C7orf78: variants seen among roughly 807,000 people sequenced by gnomAD.
C7orf78 encodes putative uncharacterized protein C7orf78.
the C7orf78 span, among the ~76,000 whole-genome samples, chr7:12,497,463 C>T: frequency 2.3e-4 from 18 of 79,222 alleles, no homozygotes; most frequent in Non-Finnish European, 2.8e-4. Context: ...AAAGGGGTGA[C>T]GGACGGCACC....
At chr7:12,484,415 T>G in the C7orf78 span, among the ~76,000 whole-genome samples, 2 of 152,226 alleles carry the variant, frequency 1.3e-5, no homozygotes, top group Non-Finnish European at 2.9e-5. Context: ...CCTAACATCT[T>G]GACTAGTTTT....
the C7orf78 span, among the ~76,000 whole-genome samples, chr7:12,489,467 AT>A: frequency 6.6e-6 from 1 of 152,138 alleles, no homozygotes; most frequent in Non-Finnish European, 1.5e-5. Flanking sequence ...AACTCAGTAG[AT>A]CCTTTTAAAT....
chr7:12,529,176 C>T, the C7orf78 span: 17 of 393,394 alleles, frequency 4.3e-5, no homozygotes, highest in African/African-American at 2.7e-4. Context: ...AGCATATAGC[C>T]GCTGCTTTTT....
At chr7:12,518,298 T>A in the C7orf78 span, among the ~76,000 whole-genome samples, 10 of 152,170 alleles carry the variant, frequency 6.6e-5, no homozygotes, top group Non-Finnish European at 1.3e-4. Flanking sequence ...CTGGGTGGTG[T>A]ATGCTGGCAC....
At chr7:12,505,488 T>G in the C7orf78 span, among the ~76,000 whole-genome samples, 1 of 152,132 alleles carries the variant, frequency 6.6e-6, no homozygotes, top group African/African-American at 2.4e-5. Context: ...ATACAGAGAT[T>G]TGAAAATGCT....
At chr7:12,486,397 C>G in the C7orf78 span, among the ~76,000 whole-genome samples, 2 of 151,792 alleles carry the variant, frequency 1.3e-5, no homozygotes, top group African/African-American at 4.8e-5. Flanking sequence ...TGAACATCTA[C>G]TATTAGGTTT....
the C7orf78 span, among the ~76,000 whole-genome samples, chr7:12,488,615 G>A: frequency 1.3e-5 from 2 of 151,886 alleles, no homozygotes; most frequent in Admixed American, 6.6e-5. Flanking sequence ...CAGCCCATAT[G>A]GCCAGCTGCA....
the C7orf78 span, chr7:12,483,559 T>C: frequency 6.6e-6 from 1 of 152,120 alleles, no homozygotes; most frequent in African/African-American, 2.4e-5. Context: ...TTCTAGCTGC[T>C]ACAAATCTTT....
chr7:12,492,696 A>C, the C7orf78 span, among the ~76,000 whole-genome samples: 1 of 152,234 alleles, frequency 6.6e-6, no homozygotes, highest in Non-Finnish European at 1.5e-5. Context: ...GTTCAACAAC[A>C]GGTATCTTAA....
chr7:12,483,713 CAAAAAA>C, the C7orf78 span: 1 of 136,816 alleles, frequency 7.3e-6, no homozygotes. Context: ...ACTAAAACTA[CAAAAAA>C]AAAAAAAAAT....
chr7:12,537,351 A>C, the C7orf78 span, among the ~76,000 whole-genome samples: 1 of 152,178 alleles, frequency 6.6e-6, no homozygotes, highest in African/African-American at 2.4e-5. Context: ...CAAGAACAGC[A>C]CAGGAAAAAC....
chr7:12,523,030 A>G, the C7orf78 span: 1 of 398,346 alleles, frequency 2.5e-6, no homozygotes, highest in Non-Finnish European at 4.4e-6. Context: ...GAGGCACAAG[A>G]GATAGGGATA....
At chr7:12,530,011 A>AGTGGT in the C7orf78 span, among the ~76,000 whole-genome samples, 1 of 138,418 alleles carries the variant, frequency 7.2e-6, no homozygotes, top group Non-Finnish European at 1.5e-5. Context: ...TTGCCACAGC[A>AGTGGT]ATGGTGGGGC....
chr7:12,537,002 C>T, the C7orf78 span, among the ~76,000 whole-genome samples: 3 of 152,272 alleles, frequency 2.0e-5, no homozygotes, highest in African/African-American at 7.2e-5. Context: ...TTCCTCTCTT[C>T]TTCTGAGCCC....
At chr7:12,517,997 T>G in the C7orf78 span, among the ~76,000 whole-genome samples, 3 of 152,232 alleles carry the variant, frequency 2.0e-5, no homozygotes, top group Non-Finnish European at 4.4e-5. Context: ...CATCTATGTC[T>G]TCTTTGAATT....
chr7:12,516,835 G>A, the C7orf78 span, among the ~76,000 whole-genome samples: 1 of 152,164 alleles, frequency 6.6e-6, no homozygotes, highest in African/African-American at 2.4e-5. Context: ...TGGAACTGCT[G>A]TATTTACCAA....
At chr7:12,515,820 T>C in the C7orf78 span, among the ~76,000 whole-genome samples, 1 of 152,116 alleles carries the variant, frequency 6.6e-6, no homozygotes, top group Non-Finnish European at 1.5e-5. Context: ...TTTTGAACTT[T>C]AGAGAGAAGA....
the C7orf78 span, among the ~76,000 whole-genome samples, chr7:12,498,542 TAAAA>T: frequency 6.6e-6 from 1 of 151,864 alleles, no homozygotes; most frequent in African/African-American, 2.4e-5. Context: ...GAAAAAAGAA[TAAAA>T]AGAAACGAGC....
At chr7:12,510,247 G>A in the C7orf78 span, among the ~76,000 whole-genome samples, 5 of 151,924 alleles carry the variant, frequency 3.3e-5, no homozygotes, top group East Asian at 9.7e-4. Context: ...GCAGTGGCAG[G>A]ATCATGGCTC....
Sources: gnomAD v4.1 joint callset for allele counts (sites outside exome capture counted in the v4.1 genomes callset) on GRCh38, gnomAD v4.1.1 for gene constraint, MANE v1.5 for transcripts, NCBI Gene and HGNC (gene_info 2026-07-23, HGNC 2026-07-21) for gene names.